Variants in ZBTB20 observed in about 807,000 individuals in gnomAD.
ZBTB20 encodes zinc finger and BTB domain containing 20.
A neutral mutation model predicts 56.9 loss-of-function variants in ZBTB20; 9 were observed. The ratio of observed to expected loss-of-function variants is 0.16; its 90% CI spans 0.10 to 0.28. ZBTB20 has a LOEUF of 0.28. ZBTB20 is among the 10% of genes least tolerant of loss of function. ZBTB20 has a pLI of 1.00. For synonymous variants in ZBTB20, 417 were observed against 420.7 expected, an observed-to-expected ratio of 0.99 and a Z score of 0.11; for missense variants, 655 against 1,003.0, an observed-to-expected ratio of 0.65 and a Z score of 4.69.
intron 6 of ZBTB20, among the ~76,000 whole-genome samples, chr3:114,566,147 T>C (rs538779569): frequency 1.3e-5 from 2 of 152,132 alleles, no homozygotes; most frequent in Non-Finnish European, 2.9e-5. Flanking sequence ...TTGTTTTTCC[T>C]AGAATTATGG....
chr3:114,805,078 T>C (rs2072003429), intron 4 of ZBTB20, among the ~76,000 whole-genome samples: 2 of 151,908 alleles, frequency 1.3e-5, no homozygotes, highest in African/African-American at 4.8e-5. Flanking sequence ...AATTTTAGAA[T>C]TATGGAAAAG....
intron 3 of ZBTB20, among the ~76,000 whole-genome samples, chr3:114,901,612 A>T (rs1338406007): frequency 3.3e-5 from 5 of 152,286 alleles, no homozygotes; most frequent in Middle Eastern, 3.4e-3. Context: ...GACAGTAAAA[A>T]ACTATAAGCA....
chr3:114,844,019 A>G (rs767524260), intron 4 of ZBTB20, among the ~76,000 whole-genome samples: 12 of 152,022 alleles, frequency 7.9e-5, no homozygotes, highest in Non-Finnish European at 1.6e-4. Context: ...ACAGATGCTC[A>G]TTGCTACTTT....
chr3:114,403,945 G>GT lies in ZBTB20; in HGVS notation c.-254-14841_-254-14840insA, dbSNP rs1234087751. Among the ~76,000 whole-genome samples, 16 of 152,230 alleles carry GT rather than the reference G, an allele frequency of 1.1e-4. No homozygotes were observed. In the East Asian group the frequency reaches 2.9e-3, roughly 28 times the overall value. On this transcript the variant is annotated intron_variant, in intron 7 of 11. Transcript: ENST00000675478. ...TCTCATATATAATGTGGGAGTGTTA[G>GT]ATTAGATGGTTTTTAAGATTCTTTC...
At chr3:114,426,337 C>CAAAAAAAAAA (rs60778829) in intron 7 of ZBTB20, among the ~76,000 whole-genome samples, 38 of 109,514 alleles carry the variant, frequency 3.5e-4, no homozygotes, top group African/African-American at 1.6e-3. Flanking sequence ...GACTCCATCT[C>CAAAAAAAAAA]AAAAAAAAAA....
chr3:114,373,687 C>T (rs2083289243), intron 10 of ZBTB20, among the ~76,000 whole-genome samples: 1 of 152,096 alleles, frequency 6.6e-6, no homozygotes, highest in Admixed American at 6.6e-5. Flanking sequence ...TATATTTACC[C>T]CGTTATGTTC....
intron 6 of ZBTB20, among the ~76,000 whole-genome samples, chr3:114,571,496 T>C (rs1289801649): frequency 6.6e-6 from 1 of 152,166 alleles, no homozygotes; most frequent in African/African-American, 2.4e-5. Context: ...TCTTTTTTTC[T>C]GCCTTCAGCG....
In ZBTB20 at chr3:114,784,213, G is replaced by A. The variant is rs538559281; in HGVS notation, c.-343+16888C>T. 4.6e-5 allele frequency among the ~76,000 whole-genome samples: 7 copies of A among 152,124 alleles called. No individual in the cohort carries two copies. The South Asian group carries it at 1.5e-3, about 32-fold the overall frequency. On this transcript the variant is annotated intron_variant, in intron 5 of 11. Coordinates refer to ENST00000675478, the MANE Select transcript of ZBTB20 (RefSeq NM_001348800.3). ...TTTCTTTCTATAGTTAACTAGAGTT[G>A]CCACAGGCAAGAGGACTAACAGAGT...
intron 1 of ZBTB20, chr3:115,145,055 A>T (rs2084923456): frequency 6.6e-6 from 1 of 152,152 alleles, no homozygotes; most frequent in East Asian, 1.9e-4. Flanking sequence ...AGCTCCATAA[A>T]AATCAAAACC....
intron 7 of ZBTB20, among the ~76,000 whole-genome samples, chr3:114,423,697 C>T (rs2089390837): frequency 6.6e-6 from 1 of 152,134 alleles, no homozygotes; most frequent in South Asian, 2.1e-4. Context: ...GTTAAATCCT[C>T]ATATGAAATA....
At chr3:114,367,210 A>G (rs1480940762) in intron 10 of ZBTB20, 1 of 152,208 alleles carries the variant, frequency 6.6e-6, no homozygotes, top group East Asian at 1.9e-4. Flanking sequence ...AGCTCCTACA[A>G]TGTATTCTGA....
chr3:114,496,118 A>G (rs930310592), intron 7 of ZBTB20, among the ~76,000 whole-genome samples: 7 of 152,182 alleles, frequency 4.6e-5, no homozygotes, highest in Non-Finnish European at 8.8e-5. Context: ...TCCCTTGGAA[A>G]TTGCTGAGGA....
intron 6 of ZBTB20, among the ~76,000 whole-genome samples, chr3:114,669,541 G>T (rs1052442768): frequency 2.6e-5 from 4 of 151,454 alleles, no homozygotes; most frequent in Non-Finnish European, 4.4e-5. Context: ...ATTCCAGGAG[G>T]TATAAAAATA....
intron 5 of ZBTB20, among the ~76,000 whole-genome samples, chr3:114,778,932 T>A (rs1331712907): frequency 1.3e-5 from 2 of 152,214 alleles, no homozygotes; most frequent in Admixed American, 6.5e-5. Flanking sequence ...AAAAGAAAGA[T>A]AACATAAGTC....
chr3:114,432,787 T>C (rs1405478921), intron 7 of ZBTB20, among the ~76,000 whole-genome samples: 2 of 152,206 alleles, frequency 1.3e-5, no homozygotes, highest in African/African-American at 2.4e-5. Context: ...CAGATCATTT[T>C]GTGTGGATGA....
chr3:114,830,959 C>T (rs2073805452), intron 4 of ZBTB20, among the ~76,000 whole-genome samples: 1 of 151,788 alleles, frequency 6.6e-6, no homozygotes, highest in Non-Finnish European at 1.5e-5. Context: ...CACTGCACTG[C>T]CATATTAAGC....
At chr3:115,069,892 T>G (rs2082345701) in intron 2 of ZBTB20, among the ~76,000 whole-genome samples, 2 of 152,126 alleles carry the variant, frequency 1.3e-5, no homozygotes, top group Non-Finnish European at 2.9e-5. Flanking sequence ...TATTTTCATT[T>G]TCATTTTACA....
chr3:114,577,138 G>A (rs934009141), intron 6 of ZBTB20, among the ~76,000 whole-genome samples: 5 of 151,862 alleles, frequency 3.3e-5, no homozygotes, highest in East Asian at 1.9e-4. Context: ...ATAACTGAAC[G>A]TAGAAAGGAT....
intron 5 of ZBTB20, among the ~76,000 whole-genome samples, chr3:114,712,997 T>C (rs1207305353): frequency 6.6e-6 from 1 of 152,186 alleles, no homozygotes; most frequent in African/African-American, 2.4e-5. Flanking sequence ...TATCTATATG[T>C]AGGATCTATA....
Sources: gnomAD v4.1 joint callset for allele counts (sites outside exome capture counted in the v4.1 genomes callset) on GRCh38, gnomAD v4.1.1 for gene constraint, MANE v1.5 for transcripts, NCBI Gene and HGNC (gene_info 2026-07-23, HGNC 2026-07-21) for gene names.